The following GPC6 variants were observed in gnomAD, a reference collection of about 807,000 sequenced individuals.
GPC6 encodes glypican 6.
In GPC6, 14 loss-of-function variants were observed where a neutral mutation model predicts 55.2. That is an observed-to-expected ratio of 0.25 (90% CI 0.17 to 0.40). The LOEUF (loss-of-function observed/expected upper bound fraction) is 0.40. Ranked by LOEUF, GPC6 falls within the 10% of genes least tolerant of loss-of-function variation. GPC6 has a pLI of 1.00. For missense variants in GPC6, 641 were observed against 708.5 expected (o/e 0.90, Z 1.08); for synonymous variants, 278 against 259.6 (o/e 1.07, Z -0.68).
intron 4 of GPC6, among the ~76,000 whole-genome samples, chr13:94,097,088 T>G (rs1389922316): frequency 6.6e-6 from 1 of 151,638 alleles, no homozygotes; most frequent in Non-Finnish European, 1.5e-5. Flanking sequence ...ACACAGTAAG[T>G]GCTCAAGTTT....
In GPC6 at chr13:94,145,170, T is replaced by TGGATGGAC. The variant is rs1555300597; in HGVS notation, c.877+117279_877+117280insTGGACGGA. On this transcript the variant is annotated intron_variant, in intron 4 of 8. Transcript: ENST00000377047. ...ATGGATGGATGGATGGATGGATGGATGGACGGATGATGAATGGATGGATGG... is the reference window on the plus strand; with the variant it reads ...ATGGATGGATGGATGGATGGATGGATGGATGGACGGACGGATGATGAATGGATGGATGG... Among the ~76,000 whole-genome samples, 7 of 149,844 alleles carry TGGATGGAC rather than the reference T, an allele frequency of 4.7e-5. No individual in the cohort carries two copies. In the East Asian group the frequency reaches 5.8e-4, roughly 12 times the overall value.
chr13:93,679,061 C>T (rs1016803130), intron 2 of GPC6, among the ~76,000 whole-genome samples: 3 of 151,788 alleles, frequency 2.0e-5, no homozygotes, highest in African/African-American at 7.3e-5. Context: ...GAAAATATAT[C>T]GTATATATTT....
chr13:94,093,881 G>A (rs1257671941), intron 4 of GPC6, among the ~76,000 whole-genome samples: 1 of 151,962 alleles, frequency 6.6e-6, no homozygotes, highest in Non-Finnish European at 1.5e-5. Flanking sequence ...CAGTGTACAT[G>A]CAGAGTTCCT....
intron 4 of GPC6, among the ~76,000 whole-genome samples, chr13:94,138,137 C>A (rs1422895355): frequency 6.6e-6 from 1 of 152,044 alleles, no homozygotes; most frequent in African/African-American, 2.4e-5. Flanking sequence ...ATTTTGAGTA[C>A]CAACATAACA....
At chr13:94,252,107 C>T (rs1431138533) in intron 4 of GPC6, among the ~76,000 whole-genome samples, 3 of 152,066 alleles carry the variant, frequency 2.0e-5, no homozygotes, top group East Asian at 1.9e-4. Flanking sequence ...CCTTGGGTGG[C>T]CTTCAATGTC....
intron 4 of GPC6, among the ~76,000 whole-genome samples, chr13:94,156,506 G>T (rs930988640): frequency 5.3e-5 from 8 of 152,144 alleles, no homozygotes. Flanking sequence ...CAATTGTGAT[G>T]TTGCAGTGTC....
chr13:94,016,955 C>T (rs1882491973), intron 3 of GPC6, among the ~76,000 whole-genome samples: 1 of 152,064 alleles, frequency 6.6e-6, no homozygotes, highest in African/African-American at 2.4e-5. Context: ...CTCTCTCAAC[C>T]TCCTGAGTAG....
At chr13:93,959,041 A>T (rs752387959) in intron 3 of GPC6, among the ~76,000 whole-genome samples, 58 of 152,198 alleles carry the variant, frequency 3.8e-4, no homozygotes, top group Non-Finnish European at 7.2e-4. Flanking sequence ...CTGAAATCTT[A>T]CTGAAATTAT....
At chr13:93,392,922 G>A (rs1875684915) in intron 1 of GPC6, among the ~76,000 whole-genome samples, 1 of 151,966 alleles carries the variant, frequency 6.6e-6, no homozygotes, top group Non-Finnish European at 1.5e-5. Flanking sequence ...TGTATTTTAA[G>A]CAAATATTGA....
At chr13:93,339,377 TAAA>T (rs3074917) in intron 1 of GPC6, among the ~76,000 whole-genome samples, 1 of 137,524 alleles carries the variant, frequency 7.3e-6, no homozygotes, top group African/African-American at 2.7e-5. Flanking sequence ...CATCATCTAT[TAAA>T]AAAAAAAAAA....
chr13:93,437,521 G>T (rs1877618986), intron 1 of GPC6, among the ~76,000 whole-genome samples: 1 of 152,212 alleles, frequency 6.6e-6, no homozygotes, highest in Non-Finnish European at 1.5e-5. Context: ...GGTTTCAGTG[G>T]TCTGGATAGA....
intron 2 of GPC6, among the ~76,000 whole-genome samples, chr13:93,765,310 T>TAAG (rs1361108806): frequency 1.5e-3 from 57 of 38,066 alleles, no homozygotes; most frequent in South Asian, 2.5e-3. Context: ...AGACAACTTA[T>TAAG]TTGGTTTAAG....
chr13:94,274,426 A>G (rs1892139913), intron 4 of GPC6, among the ~76,000 whole-genome samples: 1 of 152,030 alleles, frequency 6.6e-6, no homozygotes, highest in African/African-American at 2.4e-5. Flanking sequence ...TTTGAATCTG[A>G]TATCTGTACA....
chr13:94,305,286 A>G (rs1875884321), intron 5 of GPC6, among the ~76,000 whole-genome samples: 1 of 152,236 alleles, frequency 6.6e-6, no homozygotes, highest in Admixed American at 6.5e-5. Flanking sequence ...ACCAATCAAT[A>G]TGTAGCCTTG....
chr13:94,052,238 T>C (rs1883974172), intron 4 of GPC6, among the ~76,000 whole-genome samples: 1 of 152,118 alleles, frequency 6.6e-6, no homozygotes, highest in Non-Finnish European at 1.5e-5. Flanking sequence ...GGTCTTAAAA[T>C]ATAAAAGGAA....
chr13:93,747,073 A>T (rs921699669), intron 2 of GPC6, among the ~76,000 whole-genome samples: 4 of 152,202 alleles, frequency 2.6e-5, no homozygotes, highest in African/African-American at 9.6e-5. Context: ...GATGAAGAAG[A>T]TATTCATGAG....
intron 1 of GPC6, among the ~76,000 whole-genome samples, chr13:93,423,518 G>A (rs562584652): frequency 6.6e-6 from 1 of 152,188 alleles, no homozygotes; most frequent in Non-Finnish European, 1.5e-5. Flanking sequence ...TTCCACAAAG[G>A]ATAATATGAA....
intron 2 of GPC6, among the ~76,000 whole-genome samples, chr13:93,615,162 T>G (rs970546651): frequency 1.1e-4 from 16 of 152,252 alleles, no homozygotes; most frequent in African/African-American, 3.6e-4. Flanking sequence ...AAGTTTCCTG[T>G]GGTGGAATTT....
chr13:94,254,249 A>G (rs1219451728), intron 4 of GPC6, among the ~76,000 whole-genome samples: 3 of 152,122 alleles, frequency 2.0e-5, no homozygotes, highest in African/African-American at 7.2e-5. Context: ...CAAAAAGCCT[A>G]TGACCTTCCA....
Sources: allele counts gnomAD v4.1 joint callset (sites outside exome capture counted in the v4.1 genomes callset), GRCh38; gene constraint gnomAD v4.1.1; transcripts MANE v1.5; gene names NCBI Gene and HGNC (gene_info 2026-07-23, HGNC 2026-07-21).